PLEK: variants seen among roughly 807,000 people sequenced by gnomAD.
PLEK encodes the protein pleckstrin, also known as platelet 47 kDa protein.
In PLEK, 25 loss-of-function variants were observed where a neutral mutation model predicts 43.9. The ratio of observed to expected loss-of-function variants is 0.57; its 90% CI spans 0.41 to 0.79. The LOEUF is 0.79. Ranked by LOEUF, PLEK falls within the 30% of genes least tolerant of loss-of-function variation. PLEK has a pLI of 0.00. For synonymous variants in PLEK, 152 were observed against 144.4 expected (o/e 1.05, Z -0.38); for missense variants, 396 against 413.3 (o/e 0.96, Z 0.36).
At chr2:68,382,697 C>A in intron 4 of PLEK, 64 bp downstream of exon 4, 3 of 916,024 alleles carry the variant, frequency 3.3e-6, no homozygotes, top group Non-Finnish European at 5.4e-6. Flanking sequence ...CTCCTTCGGC[C>A]TCGTCTGTGA....
chr2:68,393,693 C>T lies in PLEK; in HGVS notation c.847-414C>T, dbSNP rs528838702. ...AACCACTTTTAAAGCATGAAGACAA[C>T]TCTGGGTAGGGTGCTCACCCTCCGC... On this transcript the variant is annotated intron_variant, in intron 7 of 8. Transcript: ENST00000234313. Among the ~76,000 whole-genome samples the T allele has an allele frequency of 5.9e-5, 9 of 152,310 alleles. No individual in the cohort carries two copies. The South Asian group carries it at 1.9e-3, about 32-fold the overall frequency.
chr2:68,396,366 C>G lies in PLEK; in HGVS notation c.*550C>G, dbSNP rs1673963983. ...TCTCTTTAGACATCTTCTACTTGCT[C>G]TTGGCCTTGAGATCGTGTAACAAAA... On this transcript the variant is annotated 3_prime_UTR_variant, in exon 9 of 9. Coordinates refer to ENST00000234313, the MANE Select transcript of PLEK (RefSeq NM_002664.3). 1 of 152,194 alleles carries G rather than the reference C, an allele frequency of 6.6e-6. No homozygotes were observed. The highest frequency in any genetic ancestry group is 6.6e-5 in the Admixed American group (1 of 15,262). 9.4% of individuals were successfully genotyped at this position (152,194 alleles called of 1,614,324 possible).
At position 68,388,425 on chromosome 2, in the gene PLEK, T is replaced by A. The variant is rs1392890315; in HGVS notation, c.696T>A (p.Asp232Glu). ...SGFFCEENSS[D>E]DDVILKEEFR... ...TCTTCTGTGAAGAGAATTCCAGTGATGATGATGTGATTCTGAAAGAAGAAT... is the reference window on the plus strand; with the variant it reads ...TCTTCTGTGAAGAGAATTCCAGTGAAGATGATGTGATTCTGAAAGAAGAAT... The change falls in exon 6 of 9, where the codon GAT becomes GAA. Residue 232 changes from aspartate to glutamate, a missense_variant. Asp to Glu is a conservative substitution (Grantham distance 45, BLOSUM62 2). Coordinates refer to ENST00000234313, the MANE Select transcript of PLEK (RefSeq NM_002664.3). The A allele has an allele frequency of 6.2e-7, 1 of 1,611,902 alleles. No homozygotes were observed. Among genetic ancestry groups the A allele is most frequent in the Admixed American group, 1.7e-5 (1 of 60,014 alleles).
intron 6 of PLEK, among the ~76,000 whole-genome samples, chr2:68,391,379 T>C (rs976550810): frequency 6.6e-6 from 1 of 152,126 alleles, no homozygotes; most frequent in East Asian, 1.9e-4. Context: ...GAAGAGGAAA[T>C]GGTATGGGGT....
intron 4 of PLEK, among the ~76,000 whole-genome samples, 160 bp downstream of exon 4, chr2:68,382,793 T>C (rs138279318): frequency 6.6e-6 from 1 of 152,146 alleles, no homozygotes; most frequent in East Asian, 1.9e-4. Context: ...AGAGTGAAAA[T>C]AGAAAGAAGT....
chr2:68,395,679 G>A lies in PLEK; in HGVS notation c.917-1G>A. 1 of 1,614,042 alleles carries A rather than the reference G, an allele frequency of 6.2e-7. No individual in the cohort carries two copies. Among genetic ancestry groups the A allele is most frequent in the Non-Finnish European group, 8.5e-7 (1 of 1,179,938 alleles). On this transcript the variant is annotated splice_acceptor_variant, in intron 8 of 8. Coordinates refer to ENST00000234313, the MANE Select transcript of PLEK (RefSeq NM_002664.3). LOFTEE classifies it high-confidence loss of function. ...CTGCCATTTGCCTTCTCTTTCCCCAGGCAGGAAGAGTGAGGAAGAGAACCT... is the reference window on the plus strand; with the variant it reads ...CTGCCATTTGCCTTCTCTTTCCCCAAGCAGGAAGAGTGAGGAAGAGAACCT...
intron 1 of PLEK, among the ~76,000 whole-genome samples, chr2:68,377,856 G>A (rs1297229983): frequency 2.0e-5 from 3 of 152,144 alleles, no homozygotes; most frequent in Non-Finnish European, 4.4e-5. Flanking sequence ...CCAGACCAAT[G>A]TCTTGTAGAT....
chr2:68,395,939 A>AG lies in PLEK; in HGVS notation c.*129dup. The stretch of plus-strand genomic sequence containing the variant: ...CCAGGGGTGGGAAGTTTTCATTTGC[A>AG]GGGGGGTCTGAATGTAACTCACCAT... On this transcript the variant is annotated 3_prime_UTR_variant, in exon 9 of 9. Transcript: ENST00000234313. The AG allele has an allele frequency of 2.4e-6, 2 of 823,102 alleles. No homozygotes were observed. The highest frequency in any genetic ancestry group is 4.0e-6 in the Non-Finnish European group (2 of 503,140). The allele number at this position is 823,102 out of a possible 1,614,324, so 51.0% of individuals were successfully genotyped here. A position where few individuals can be genotyped will look rare whatever the true frequency, so the allele number is the denominator to read the frequency against.
intron 6 of PLEK, among the ~76,000 whole-genome samples, chr2:68,390,137 G>C (rs560550269): frequency 1.3e-5 from 2 of 152,188 alleles, no homozygotes; most frequent in Non-Finnish European, 2.9e-5. Flanking sequence ...TGGGTAATGA[G>C]TGTCTGGATG....
At chr2:68,379,241 G>A (rs904203541) in intron 1 of PLEK, among the ~76,000 whole-genome samples, 2 of 152,204 alleles carry the variant, frequency 1.3e-5, no homozygotes, top group Non-Finnish European at 2.9e-5. Flanking sequence ...ACCAGAGCTT[G>A]TAAGTGAAGG....
Position 68,395,869 on chromosome 2 carries a change from A to C in PLEK, c.*53A>C. ...CTGAGGGAAGCCCATGGACAAGCTC[A>C]GTCCAGGACCTGTCCACTTCTGTGA... On this transcript the variant is annotated 3_prime_UTR_variant, in exon 9 of 9. Transcript: ENST00000234313. 1.0e-4 allele frequency: 158 copies of C among 1,507,388 alleles called. No homozygotes were observed. Among genetic ancestry groups the C allele is most frequent in the Non-Finnish European group, 1.4e-4 (147 of 1,085,558 alleles). 93.4% of individuals were successfully genotyped at this position (1,507,388 alleles called of 1,614,324 possible). A position where few individuals can be genotyped will look rare whatever the true frequency, so the allele number is the denominator to read the frequency against.
intron 1 of PLEK, 42 bp downstream of exon 1, chr2:68,365,435 G>A (rs756314159): frequency 2.2e-5 from 34 of 1,541,196 alleles, no homozygotes; most frequent in African/African-American, 1.2e-4. Context: ...GTGGACATGG[G>A]CTGGGGAGAC....
intron 4 of PLEK, among the ~76,000 whole-genome samples, chr2:68,386,205 A>C (rs985175235): frequency 6.6e-6 from 1 of 151,876 alleles, no homozygotes; most frequent in Non-Finnish European, 1.5e-5. Context: ...GGGCTCAACT[A>C]TCCTACTGCC....
chr2:68,388,164 C>T (rs1673784159), intron 5 of PLEK: 2 of 486,246 alleles, frequency 4.1e-6, no homozygotes, highest in African/African-American at 1.9e-5. Context: ...GACAAGATCA[C>T]ACCTGAGTGG....
chr2:68,388,133 C>G, intron 5 of PLEK: 1 of 385,814 alleles, frequency 2.6e-6, no homozygotes, highest in Non-Finnish European at 4.7e-6. Context: ...CTTGGGAGAC[C>G]CTCCAGAATA....
intron 1 of PLEK, among the ~76,000 whole-genome samples, chr2:68,374,485 C>T (rs1179759767): frequency 2.0e-5 from 3 of 152,086 alleles, no homozygotes; most frequent in Non-Finnish European, 2.9e-5. Flanking sequence ...ACTGTATACC[C>T]CTCCATGGAG....
chr2:68,383,270 C>T (rs762782071), intron 4 of PLEK, among the ~76,000 whole-genome samples: 20 of 152,182 alleles, frequency 1.3e-4, no homozygotes, highest in South Asian at 2.1e-4. Context: ...GCCTGGCACA[C>T]ACTCAGTGCT....
chr2:68,375,496 C>T (rs1673485101), intron 1 of PLEK, among the ~76,000 whole-genome samples: 1 of 152,144 alleles, frequency 6.6e-6, no homozygotes, highest in Admixed American at 6.6e-5. Context: ...TCTGATCTTG[C>T]TCATTTTTAA....
intron 1 of PLEK, among the ~76,000 whole-genome samples, chr2:68,367,621 A>G (rs1307600234): frequency 6.6e-6 from 1 of 152,222 alleles, no homozygotes; most frequent in Non-Finnish European, 1.5e-5. Context: ...GTATATGTCA[A>G]GAATCTGACA....
Sources: allele counts gnomAD v4.1 joint callset (sites outside exome capture counted in the v4.1 genomes callset), GRCh38; gene constraint gnomAD v4.1.1; transcripts MANE v1.5; gene names NCBI Gene and HGNC (gene_info 2026-07-23, HGNC 2026-07-21).